Variants in CAST observed in about 807,000 individuals in gnomAD.
The protein encoded by CAST is calpastatin.
CAST carries 76 observed loss-of-function variants against 119.6 expected under a neutral mutation model. The ratio of observed to expected loss-of-function variants is 0.64; its 90% CI spans 0.53 to 0.77. CAST has a LOEUF of 0.77. Ranked by LOEUF, CAST falls within the 30% of genes least tolerant of loss-of-function variation. CAST has a pLI of 0.00. For synonymous variants in CAST, 319 were observed against 331.6 expected, an observed-to-expected ratio of 0.96 and a Z score of 0.41; for missense variants, 953 against 946.5, an observed-to-expected ratio of 1.01 and a Z score of -0.09.
chr5:96,741,739 C>T (rs1762736093), intron 15 of CAST, 159 bp downstream of exon 15: 1 of 588,268 alleles, frequency 1.7e-6, no homozygotes. Flanking sequence ...TGTTGATCAT[C>T]TCCAGGCAAG....
rs1561417200 is a variant in CAST, at chr5:96,561,802, T to TTGTTTTTTTG, written c.60+31923_60+31924insGTTTTTTTGT. Among the ~76,000 whole-genome samples the TTGTTTTTTTG allele has an allele frequency of 4.1e-5, 4 of 97,906 alleles. No individual in the cohort carries two copies. The East Asian group carries it at 8.1e-4, about 20-fold the overall frequency. The allele number at this position is 97,906 out of a possible 152,430, so 64.2% of individuals were successfully genotyped here. ...TATATATATGTTTTTTTTTGTTTTT[T>TTGTTTTTTTG]TTTTTTTTGAGACGGAGTCTCGCTC... On this transcript the variant is annotated intron_variant, in intron 1 of 11. Coordinates refer to the CAST transcript ENST00000505143.
At chr5:96,732,330 G>A (rs1411072309) in intron 9 of CAST, among the ~76,000 whole-genome samples, 9 of 121,254 alleles carry the variant, frequency 7.4e-5, no homozygotes, top group African/African-American at 2.2e-4. Flanking sequence ...CATGTCCTTC[G>A]CCCACTTTTT....
the CAST span, among the ~76,000 whole-genome samples, chr5:96,083,486 A>T: frequency 1.3e-5 from 2 of 152,198 alleles, no homozygotes; most frequent in Non-Finnish European, 2.9e-5. Context: ...CCTTTCCCAG[A>T]AGTGGTGACA....
At chr5:96,047,366 C>A in the CAST span, among the ~76,000 whole-genome samples, 1 of 151,966 alleles carries the variant, frequency 6.6e-6, no homozygotes, top group Admixed American at 6.6e-5. Flanking sequence ...ATTCTACTGC[C>A]CTCTGTTCTT....
chr5:96,623,850 C>T (rs1220654611), intron 1 of CAST, among the ~76,000 whole-genome samples: 2 of 151,854 alleles, frequency 1.3e-5, no homozygotes, highest in African/African-American at 4.8e-5. Context: ...GTGCATGCCA[C>T]TACACCTGGC....
At chr5:96,147,399 T>A in the CAST span, among the ~76,000 whole-genome samples, 1 of 152,116 alleles carries the variant, frequency 6.6e-6, no homozygotes, top group African/African-American at 2.4e-5. Flanking sequence ...GGTCAGGAGA[T>A]CCAGACCATC....
chr5:96,028,877 A>G, the CAST span, among the ~76,000 whole-genome samples: 1 of 152,138 alleles, frequency 6.6e-6, no homozygotes, highest in Non-Finnish European at 1.5e-5. Context: ...GATTTAAAAA[A>G]TTGTTTAGAG....
chr5:96,316,290 CA>C, the CAST span, among the ~76,000 whole-genome samples: 1 of 152,120 alleles, frequency 6.6e-6, no homozygotes, highest in East Asian at 1.9e-4. Flanking sequence ...ACCTAGAATG[CA>C]ATATATAATA....
At chr5:96,408,088 T>C in the CAST span, 1 of 702,350 alleles carries the variant, frequency 1.4e-6, no homozygotes, top group African/African-American at 1.8e-5. Flanking sequence ...GACCTCGAAG[T>C]GGCAGGAAAG....
chr5:96,418,212 A>C, the CAST span, among the ~76,000 whole-genome samples: 4 of 151,592 alleles, frequency 2.6e-5, no homozygotes, highest in African/African-American at 9.8e-5. Context: ...GAGAGAAAGA[A>C]AAGTGTTCCT....
the CAST span, among the ~76,000 whole-genome samples, chr5:96,315,201 T>C: frequency 1.3e-5 from 2 of 152,340 alleles, no homozygotes; most frequent in Admixed American, 1.3e-4. Context: ...ATTAGGACTG[T>C]GGGATTAAAC....
At chr5:95,973,880 TG>T in the CAST span, among the ~76,000 whole-genome samples, 1 of 152,188 alleles carries the variant, frequency 6.6e-6, no homozygotes, top group African/African-American at 2.4e-5. Flanking sequence ...GTTTATATAG[TG>T]ACTCAGAAGG....
At chr5:96,412,221 C>T in the CAST span, 1 of 1,076,136 alleles carries the variant, frequency 9.3e-7, no homozygotes, top group East Asian at 2.4e-5. Flanking sequence ...AAGAAATCCA[C>T]AACAATGTTA....
At chr5:96,197,146 G>T in the CAST span, among the ~76,000 whole-genome samples, 2 of 152,160 alleles carry the variant, frequency 1.3e-5, no homozygotes, top group African/African-American at 4.8e-5. Context: ...GAACCACCGG[G>T]TTAGGTGATA....
intron 1 of CAST, among the ~76,000 whole-genome samples, chr5:96,550,067 C>G (rs1561413328): frequency 6.6e-6 from 1 of 152,232 alleles, no homozygotes; most frequent in Non-Finnish European, 1.5e-5. Flanking sequence ...TCTCCCAGCA[C>G]AGCGTATGAG....
At chr5:96,649,852 A>G (rs1748070457) in intron 1 of CAST, among the ~76,000 whole-genome samples, 1 of 152,340 alleles carries the variant, frequency 6.6e-6, no homozygotes, top group African/African-American at 2.4e-5. Context: ...AGATTAGTCA[A>G]TCCTTGGTGT....
chr5:96,187,856 T>A, the CAST span, among the ~76,000 whole-genome samples: 3 of 152,240 alleles, frequency 2.0e-5, no homozygotes, highest in Non-Finnish European at 4.4e-5. Flanking sequence ...ACTGTGGTGA[T>A]GGTAGAATGA....
the CAST span, among the ~76,000 whole-genome samples, chr5:96,021,741 T>C: frequency 1.9e-4 from 29 of 152,292 alleles, no homozygotes; most frequent in South Asian, 3.1e-3. Context: ...CCACTGCGCC[T>C]GGCTGATCAG....
At chr5:96,623,755 G>A (rs934171606) in intron 1 of CAST, among the ~76,000 whole-genome samples, 4 of 152,056 alleles carry the variant, frequency 2.6e-5, no homozygotes, top group African/African-American at 9.7e-5. Flanking sequence ...TTTCCCAGTG[G>A]CACAATCACA....
Sources: allele counts gnomAD v4.1 joint callset (sites outside exome capture counted in the v4.1 genomes callset), GRCh38; gene constraint gnomAD v4.1.1; transcripts MANE v1.5; gene names NCBI Gene and HGNC (gene_info 2026-07-23, HGNC 2026-07-21).